Variants in RBAK observed in about 807,000 individuals in gnomAD.
RBAK encodes RB associated KRAB zinc finger.
A neutral mutation model predicts 65.8 loss-of-function variants in RBAK; 39 were observed. The observed-to-expected ratio is 0.59, with a 90% CI of 0.46 to 0.77. The LOEUF is 0.77. Ranked by LOEUF, RBAK falls within the 30% of genes least tolerant of loss-of-function variation. The pLI, the probability that RBAK is intolerant of heterozygous loss-of-function variation, is 0.00. For synonymous variants in RBAK, 343 were observed against 289.7 expected, an observed-to-expected ratio of 1.18 and a Z score of -1.87; for missense variants, 884 against 855.1, an observed-to-expected ratio of 1.03 and a Z score of -0.42.
In RBAK at chr7:5,065,153, C is replaced by T. The variant is rs750161506; in HGVS notation, c.1697C>T (p.Pro566Leu). Residue 566 changes from proline (P) to leucine (L), a missense_variant, in exon 5 of 5, where the codon CCT (proline) becomes CTT (leucine). Pro to Leu is a moderately conservative substitution (Grantham distance 98, BLOSUM62 -3). Transcript: ENST00000396912. The surrounding 1 kb of genome is among the most constrained non-coding windows in gnomAD (Gnocchi z 5.3). ...EHYRSHSEEK[P>L]YGCSECGKTF... ...TATAGAAGTCATTCAGAAGAGAAAC[C>T]TTATGGATGTAGCGAATGTGGGAAA... is the stretch of plus-strand genomic sequence containing the variant. 5 of 1,613,900 alleles carry T rather than the reference C, an allele frequency of 3.1e-6. No individual in the cohort carries two copies. Among genetic ancestry groups the T allele is most frequent in the Non-Finnish European group, 4.2e-6 (5 of 1,179,946 alleles).
rs1779296518 is a variant in RBAK at position 5,069,234 on chromosome 7, C to T, written c.*3633C>T. On this transcript the variant is annotated 3_prime_UTR_variant, in exon 5 of 5. Coordinates refer to ENST00000396912, the MANE Select transcript of RBAK (RefSeq NM_021163.4). ...TTTCTAGATGTGTATGAATATGCTG[C>T]ACAACAGGAATTAAATGGCAGATTT... The T allele has an allele frequency of 6.6e-6, 1 of 152,106 alleles. No individual in the cohort carries two copies. Among genetic ancestry groups the T allele is most frequent in the Non-Finnish European group, 1.5e-5 (1 of 68,018 alleles). 9.4% of individuals were successfully genotyped at this position (152,106 alleles called of 1,614,324 possible). A position where few individuals can be genotyped will look rare whatever the true frequency, so the allele number is the denominator to read the frequency against.
Position 5,064,065 on chromosome 7 carries a change from AC to A in RBAK, c.612del (p.Phe205LeufsTer10), listed in dbSNP as rs756191829. 51 of 1,613,548 alleles carry A rather than the reference AC, an allele frequency of 3.2e-5. No individual in the cohort carries two copies. The highest frequency in any genetic ancestry group is 4.3e-5 in the Non-Finnish European group (51 of 1,179,940). ...TTCAGAAAATTAGTATTTTGGAGAAACCCTTTGAATATAATGAATGCATGGA... is the reference window on the plus strand; with the variant it reads ...TTCAGAAAATTAGTATTTTGGAGAAACCTTTGAATATAATGAATGCATGGA... ...ILQKISILEK[P>X]FEYNECMEAL... On this transcript the variant is annotated frameshift_variant, in exon 5 of 5. Coordinates refer to ENST00000396912, the MANE Select transcript of RBAK (RefSeq NM_021163.4). LOFTEE classifies it high-confidence loss of function. This position sits in a 1 kb window ranked among gnomAD's most constrained non-coding sequence, Gnocchi z 6.3.
chr7:5,055,260 G>A (rs1258386793), intron 2 of RBAK, among the ~76,000 whole-genome samples: 3 of 151,404 alleles, frequency 2.0e-5, no homozygotes, highest in Non-Finnish European at 4.4e-5. Flanking sequence ...GTGTGTGTGT[G>A]TGTGTGTGTG....
Position 5,065,034 on chromosome 7 carries a change from C to T in RBAK, c.1578C>T (p.Phe526=), listed in dbSNP as rs761019553. ...AAACCTTCCTTGTAAATTCAGCCTT[C>T]GATGGGCACCAGCCACTTCCAAAAG... ...CGKTFLVNSA[F]DGHQPLPKGE... is the part of the protein sequence containing the mutation. The change falls in exon 5 of 5, where the codon TTC becomes TTT. Residue 526 remains phenylalanine (F), a synonymous_variant. Transcript: ENST00000396912. This position sits in a 1 kb window ranked among gnomAD's most constrained non-coding sequence, Gnocchi z 5.3. 107 of 1,613,644 alleles carry T rather than the reference C, an allele frequency of 6.6e-5. 1 individual carries two copies. In the South Asian group the frequency reaches 6.9e-4, roughly 10 times the overall value.
chr7:5,056,939 T>C (rs1373499272), intron 2 of RBAK: 1 of 152,242 alleles, frequency 6.6e-6, no homozygotes, highest in African/African-American at 2.4e-5. Flanking sequence ...TTTATCTCCT[T>C]TTTAGGTTGT....
rs1237243106 is a variant in RBAK, at chr7:5,066,814, A to G, written c.*1213A>G. 3 of 152,192 alleles carry G rather than the reference A, an allele frequency of 2.0e-5. No homozygotes were observed. The highest frequency in any genetic ancestry group is 4.4e-5 in the Non-Finnish European group (3 of 68,014). 9.4% of individuals were successfully genotyped at this position (152,192 alleles called of 1,614,324 possible). A position where few individuals can be genotyped will look rare whatever the true frequency, so the allele number is the denominator to read the frequency against. On this transcript the variant is annotated 3_prime_UTR_variant, in exon 5 of 5. Coordinates refer to ENST00000396912, the MANE Select transcript of RBAK (RefSeq NM_021163.4). ...ATTCTCTTTGCCAGTAACTTGTTTT[A>G]TAGTGGTCATATGACCTGATACTGG...
At position 5,066,251 on chromosome 7, in the gene RBAK, T is replaced by G. The variant is rs9690559; in HGVS notation, c.*650T>G. 0.13 allele frequency: 19,225 copies of G among 152,574 alleles called. 1,568 individuals carry two copies. The highest frequency in any genetic ancestry group is 0.4 in the East Asian group (2,053 of 5,172). The allele number at this position is 152,574 out of a possible 1,614,324, so 9.5% of individuals were successfully genotyped here. ...AGGACATATTGTTGGTGAGATAATA[T>G]TTAATAGGTATAAAATGGTAAAATA... On this transcript the variant is annotated 3_prime_UTR_variant, in exon 5 of 5. Coordinates refer to ENST00000396912, the MANE Select transcript of RBAK (RefSeq NM_021163.4).
In RBAK at chr7:5,065,383, A is replaced by G; in HGVS notation, c.1927A>G (p.Arg643Gly). ...SRMSNLTVHY[R>G]SHSGEKPYEC... ...GATGTCAAACCTCACTGTCCACTAC[A>G]GAAGCCATTCAGGAGAGAAACCCTA... The change falls in exon 5 of 5, where the codon AGA becomes GGA. Residue 643 changes from arginine to glycine, a missense_variant. Physicochemically the swap from Arg to Gly is moderately radical, Grantham distance 125. Coordinates refer to ENST00000396912, the MANE Select transcript of RBAK (RefSeq NM_021163.4). This position sits in a 1 kb window ranked among gnomAD's most constrained non-coding sequence, Gnocchi z 5.3. 1 of 1,613,614 alleles carries G rather than the reference A, an allele frequency of 6.2e-7. No homozygotes were observed. The highest frequency in any genetic ancestry group is 1.1e-5 in the South Asian group (1 of 90,978).
chr7:5,055,275 TGTGTGC>T (rs376611425), intron 2 of RBAK, among the ~76,000 whole-genome samples: 14 of 147,094 alleles, frequency 9.5e-5, no homozygotes, highest in African/African-American at 2.3e-4. Context: ...TGTGTGTGTG[TGTGTGC>T]GTGCGTGTAT....
chr7:5,061,208 T>C (rs889411913), intron 4 of RBAK, among the ~76,000 whole-genome samples: 1 of 152,146 alleles, frequency 6.6e-6, no homozygotes, highest in Non-Finnish European at 1.5e-5. Context: ...GGCACTCATA[T>C]TCACATTTCA....
chr7:5,057,375 T>C lies in RBAK; in HGVS notation c.96T>C (p.Thr32=), dbSNP rs1393341511. The C allele has an allele frequency of 6.2e-7, 1 of 1,614,074 alleles. No homozygotes were observed. The highest frequency in any genetic ancestry group is 8.5e-7 in the Non-Finnish European group (1 of 1,180,010). The change falls in exon 3 of 5, where the codon ACT becomes ACC. Residue 32 remains threonine (T), a synonymous_variant. Coordinates refer to ENST00000396912, the MANE Select transcript of RBAK (RefSeq NM_021163.4). ...WQQLDPDEKI[T]YRDVMLENYS... is the part of the protein sequence containing the mutation. ...AGCTGGACCCTGATGAGAAGATAAC[T>C]TACAGGGATGTGATGTTGGAGAACT...
intron 4 of RBAK, 119 bp downstream of exon 4, chr7:5,057,898 C>T (rs1477082077): frequency 1.0e-6 from 1 of 986,900 alleles, no homozygotes; most frequent in Non-Finnish European, 1.5e-6. Context: ...CCAAATATCA[C>T]TTTCCTTCCC....
intron 3 of RBAK, 129 bp from the exon 4 acceptor site, chr7:5,057,555 G>T (rs1413514353): frequency 5.7e-6 from 9 of 1,589,302 alleles, no homozygotes; most frequent in African/African-American, 5.4e-5. Context: ...TCATTGAAAG[G>T]TTCTAACTTT....
chr7:5,063,895 A>C lies in RBAK; in HGVS notation c.439A>C (p.Ile147Leu). ...CVSCGKNLES[I>L]SQLISSDGSY... ...CTCATGTGGAAAGAATTTAGAATCTATTTCGCAATTAATTAGTAGTGATGG... is the reference window on the plus strand; with the variant it reads ...CTCATGTGGAAAGAATTTAGAATCTCTTTCGCAATTAATTAGTAGTGATGG... The change falls in exon 5 of 5, where the codon ATT becomes CTT. Residue 147 changes from isoleucine to leucine, a missense_variant. Transcript: ENST00000396912. The C allele has an allele frequency of 6.2e-7, 1 of 1,614,052 alleles. No homozygotes were observed. Among genetic ancestry groups the C allele is most frequent in the Non-Finnish European group, 8.5e-7 (1 of 1,179,962 alleles).
rs1779141568 is a variant in RBAK at position 5,063,797 on chromosome 7, AAG to A, written c.345_346del (p.Asn116TyrfsTer3). On this transcript the variant is annotated frameshift_variant, in exon 5 of 5. Coordinates refer to ENST00000396912, the MANE Select transcript of RBAK (RefSeq NM_021163.4). LOFTEE classifies it high-confidence loss of function. ...AATAGCAAAACCCTGACTGAAGAGA[AAG>A]AGAATACATTTAGTCAAATTTACAT... The A allele has an allele frequency of 6.2e-7, 1 of 1,613,996 alleles. No homozygotes were observed. The highest frequency in any genetic ancestry group is 1.7e-5 in the Admixed American group (1 of 60,010).
chr7:5,062,181 C>T (rs556826106), intron 4 of RBAK, among the ~76,000 whole-genome samples: 18 of 152,280 alleles, frequency 1.2e-4, no homozygotes, highest in South Asian at 4.1e-4. Context: ...TTCCTTTGCA[C>T]GGACACCTAG....
rs1393694045 is a variant in RBAK, at chr7:5,048,818, G to T, written c.15+727G>T. ...CTTACAGTCATGGTGGAAGGCAAAGGGAAAGCGGGTACATCTTCCATCACC... is the reference window on the plus strand; with the variant it reads ...CTTACAGTCATGGTGGAAGGCAAAGTGAAAGCGGGTACATCTTCCATCACC... On this transcript the variant is annotated intron_variant, in intron 2 of 4. Transcript: ENST00000396912. This position sits in a 1 kb window ranked among gnomAD's most constrained non-coding sequence, Gnocchi z 4.4. Among the ~76,000 whole-genome samples the T allele has an allele frequency of 6.6e-6, 1 of 152,198 alleles. No individual in the cohort carries two copies. The highest frequency in any genetic ancestry group is 1.5e-5 in the Non-Finnish European group (1 of 68,036).
intron 2 of RBAK, among the ~76,000 whole-genome samples, chr7:5,053,719 T>C (rs898705273): frequency 6.6e-6 from 1 of 152,240 alleles, no homozygotes; most frequent in Non-Finnish European, 1.5e-5. Flanking sequence ...CTAATCTCTT[T>C]TTTCCACGAT....
At chr7:5,057,447 C>G in intron 3 of RBAK, 26 bp downstream of exon 3, 1 of 1,614,100 alleles carries the variant, frequency 6.2e-7, no homozygotes, top group Non-Finnish European at 8.5e-7. Context: ...TTTCTGAATG[C>G]TCTCAGTTGA....
Sources: allele counts gnomAD v4.1 joint callset (sites outside exome capture counted in the v4.1 genomes callset), GRCh38; gene constraint gnomAD v4.1.1; non-coding constraint Gnocchi (gnomAD v3.1); transcripts MANE v1.5; gene names NCBI Gene and HGNC (gene_info 2026-07-23, HGNC 2026-07-21).